PDE4D: variants seen among roughly 807,000 people sequenced by gnomAD.
PDE4D encodes 3',5'-cyclic-AMP phosphodiesterase 4D.
PDE4D carries 24 observed loss-of-function variants against 87.4 expected under a neutral mutation model. That is an observed-to-expected ratio of 0.27 (90% CI 0.20 to 0.39). The LOEUF is 0.39. PDE4D is among the 10% of genes least tolerant of loss of function. The pLI, the probability that PDE4D is intolerant of heterozygous loss-of-function variation, is 1.00. For synonymous variants in PDE4D, 384 were observed against 383.2 expected, an observed-to-expected ratio of 1.00 and a Z score of -0.02; for missense variants, 714 against 1,041.0, an observed-to-expected ratio of 0.69 and a Z score of 4.32.
At chr5:59,269,663 G>A (rs1763454750) in intron 1 of PDE4D, among the ~76,000 whole-genome samples, 2 of 151,938 alleles carry the variant, frequency 1.3e-5, no homozygotes, top group Admixed American at 1.3e-4. Flanking sequence ...TAAGGAGAGG[G>A]TTTGAATTTG....
At chr5:59,990,744 C>A (rs1273943357) in intron 2 of PDE4D, among the ~76,000 whole-genome samples, 1 of 152,136 alleles carries the variant, frequency 6.6e-6, no homozygotes, top group East Asian at 1.9e-4. Context: ...GTTACTTCTT[C>A]TTGCTTTTCC....
intron 2 of PDE4D, among the ~76,000 whole-genome samples, chr5:59,207,087 G>A (rs547879556): frequency 6.6e-6 from 1 of 152,222 alleles, no homozygotes; most frequent in South Asian, 2.1e-4. Flanking sequence ...GGGAGACTGA[G>A]GTGGGAGAAT....
intron 1 of PDE4D, among the ~76,000 whole-genome samples, chr5:60,420,683 C>T (rs1212188393): frequency 2.0e-5 from 3 of 152,208 alleles, no homozygotes; most frequent in Admixed American, 6.5e-5. Flanking sequence ...CTTGGTTCAT[C>T]TCATTGGGAC....
chr5:59,078,242 G>A (rs1213271925), intron 5 of PDE4D, among the ~76,000 whole-genome samples: 1 of 152,130 alleles, frequency 6.6e-6, no homozygotes, highest in Non-Finnish European at 1.5e-5. Flanking sequence ...TACATACTAT[G>A]CTGCAATTTA....
At chr5:60,162,550 C>T (rs1782550421) in intron 2 of PDE4D, among the ~76,000 whole-genome samples, 1 of 152,006 alleles carries the variant, frequency 6.6e-6, no homozygotes, top group Non-Finnish European at 1.5e-5. Flanking sequence ...ACTTACCTCC[C>T]AATTCTAAAA....
At chr5:60,392,009 A>C (rs1762590303) in intron 1 of PDE4D, among the ~76,000 whole-genome samples, 1 of 152,114 alleles carries the variant, frequency 6.6e-6, no homozygotes, top group African/African-American at 2.4e-5. Flanking sequence ...TGGGATGACT[A>C]ACTCAATCAC....
At chr5:60,389,676 A>G (rs1461199429) in intron 1 of PDE4D, among the ~76,000 whole-genome samples, 3 of 152,130 alleles carry the variant, frequency 2.0e-5, no homozygotes, top group Non-Finnish European at 4.4e-5. Flanking sequence ...ACTCTCACAC[A>G]TGGCTGACTG....
At chr5:58,978,431 GAAAAGA>G (rs1478367249) in intron 11 of PDE4D, among the ~76,000 whole-genome samples, 2 of 151,950 alleles carry the variant, frequency 1.3e-5, no homozygotes, top group African/African-American at 4.8e-5. Flanking sequence ...GAAAAGAAAA[GAAAAGA>G]AAAAGGTTAA....
intron 1 of PDE4D, among the ~76,000 whole-genome samples, chr5:59,719,135 C>T (rs1166763877): frequency 2.0e-5 from 3 of 151,942 alleles, no homozygotes; most frequent in Non-Finnish European, 2.9e-5. Flanking sequence ...GAATTTCTAC[C>T]CCAAAACAAT....
chr5:59,452,742 T>C (rs1247722668), intron 1 of PDE4D, among the ~76,000 whole-genome samples: 1 of 152,176 alleles, frequency 6.6e-6, no homozygotes, highest in Non-Finnish European at 1.5e-5. Context: ...AAGGGCAATA[T>C]GTGGTCTGAG....
Position 59,015,703 on chromosome 5 carries a change from G to T in PDE4D, c.922-22238C>A, listed in dbSNP as rs933634328. Among the ~76,000 whole-genome samples the T allele has an allele frequency of 2.8e-4, 43 of 152,192 alleles. 1 individual carries two copies. The highest frequency in any genetic ancestry group is 5.9e-4 in the Admixed American group (9 of 15,276). Reference sequence around the variant, plus strand: ...ACTGTAAAGTAGTTCAACCATTGTGGAAGACAGTGTGGCAATTCCTCAAAG... The same window carrying T: ...ACTGTAAAGTAGTTCAACCATTGTGTAAGACAGTGTGGCAATTCCTCAAAG... On this transcript the variant is annotated intron_variant, in intron 6 of 14. Coordinates refer to ENST00000340635, the MANE Select transcript of PDE4D (RefSeq NM_001104631.2).
intron 1 of PDE4D, among the ~76,000 whole-genome samples, chr5:60,454,645 T>C (rs1450462257): frequency 6.6e-6 from 1 of 151,890 alleles, no homozygotes; most frequent in Non-Finnish European, 1.5e-5. Flanking sequence ...CCAGGGCATG[T>C]TGGGAGGCAG....
At chr5:59,248,140 T>C (rs539680477) in intron 1 of PDE4D, among the ~76,000 whole-genome samples, 6 of 147,828 alleles carry the variant, frequency 4.1e-5, no homozygotes, top group Non-Finnish European at 5.9e-5. Flanking sequence ...GTCAAAATAT[T>C]ATCTATTTTA....
intron 2 of PDE4D, among the ~76,000 whole-genome samples, chr5:60,146,312 T>C (rs1780998209): frequency 6.6e-6 from 1 of 152,234 alleles, no homozygotes; most frequent in African/African-American, 2.4e-5. Context: ...ATGTGCATGG[T>C]TGATCTATTT....
chr5:60,509,296 C>T (rs1365661464), intron 1 of PDE4D, among the ~76,000 whole-genome samples: 1 of 152,228 alleles, frequency 6.6e-6, no homozygotes, highest in Non-Finnish European at 1.5e-5. Flanking sequence ...CCCTCGCTTA[C>T]AGCATGAGGG....
intron 3 of PDE4D, among the ~76,000 whole-genome samples, chr5:59,190,321 A>G (rs1453045682): frequency 1.3e-5 from 2 of 152,022 alleles, no homozygotes; most frequent in Non-Finnish European, 2.9e-5. Context: ...ATTTTAGAAA[A>G]TTTTCCTTTT....
intron 5 of PDE4D, among the ~76,000 whole-genome samples, chr5:59,106,894 C>A (rs1383541968): frequency 6.6e-6 from 1 of 152,170 alleles, no homozygotes; most frequent in Non-Finnish European, 1.5e-5. Context: ...ATGTAAAGGG[C>A]AATTGTTGTT....
intron 1 of PDE4D, among the ~76,000 whole-genome samples, chr5:60,293,101 A>G (rs1753048494): frequency 6.6e-6 from 1 of 151,670 alleles, no homozygotes; most frequent in Admixed American, 6.6e-5. Context: ...TGCCCCCCCA[A>G]GTTCAAGCAA....
chr5:60,318,061 T>G (rs1292306844), intron 1 of PDE4D, among the ~76,000 whole-genome samples: 1 of 152,180 alleles, frequency 6.6e-6, no homozygotes, highest in Admixed American at 6.5e-5. Flanking sequence ...TCTGTCTCGT[T>G]GATCTGTCTA....
Sources: allele counts gnomAD v4.1 joint callset (sites outside exome capture counted in the v4.1 genomes callset), GRCh38; gene constraint gnomAD v4.1.1; transcripts MANE v1.5; gene names NCBI Gene and HGNC (gene_info 2026-07-23, HGNC 2026-07-21).